The following FSD2 variants were observed in gnomAD, a reference collection of about 807,000 sequenced individuals.
FSD2 encodes fibronectin type III and SPRY domain containing 2, also known as fibronectin type III and SPRY domain-containing protein 2.
Under a neutral mutation model 80.4 loss-of-function variants are expected in FSD2, and 71 were observed. That is an observed-to-expected ratio of 0.88 (90% CI 0.73 to 1.08). The LOEUF is 1.08. Ranked by LOEUF, FSD2 falls within the 50% of genes least tolerant of loss-of-function variation. The probability of loss-of-function intolerance (pLI) is 0.00; values close to 1 mark genes in which losing one functional copy is unlikely to be tolerated. For synonymous variants in FSD2, 361 were observed against 329.5 expected (o/e 1.10, Z -1.03); for missense variants, 923 against 913.8 (o/e 1.01, Z -0.13).
Position 82,755,786 on chromosome 15 carries a change from C to A in FSD2, c.*3562G>T, listed in dbSNP as rs533338215. The A allele has an allele frequency of 6.2e-5, 14 of 224,470 alleles. No homozygotes were observed. In the East Asian group the frequency reaches 6.4e-4, roughly 10 times the overall value. The allele number at this position is 224,470 out of a possible 1,614,324, so 13.9% of individuals were successfully genotyped here. A position where few individuals can be genotyped will look rare whatever the true frequency, so the allele number is the denominator to read the frequency against. Reference sequence around the variant, plus strand: ...CAGCTGGGGTCTTCTTTCCAAATAACTTTTCTCTTGCATTTAGATTAATTA... The same window carrying A: ...CAGCTGGGGTCTTCTTTCCAAATAAATTTTCTCTTGCATTTAGATTAATTA... On this transcript the variant is annotated 3_prime_UTR_variant, in exon 13 of 13. Transcript: ENST00000334574.
chr15:82,785,617 C>T (rs578105502), intron 3 of FSD2, among the ~76,000 whole-genome samples: 119 of 152,222 alleles, frequency 7.8e-4, no homozygotes, highest in African/African-American at 2.5e-3. Flanking sequence ...AGCCACCGTG[C>T]CCAGCCATAA....
intron 1 of FSD2, among the ~76,000 whole-genome samples, chr15:82,797,047 C>T (rs1337344536): frequency 6.8e-6 from 1 of 147,806 alleles, no homozygotes; most frequent in Non-Finnish European, 1.5e-5. Flanking sequence ...AAAAACACCT[C>T]CAGGGGACTA....
chr15:82,761,920 T>TG (rs2049304115), intron 12 of FSD2, among the ~76,000 whole-genome samples, 182 bp downstream of exon 12: 1 of 152,186 alleles, frequency 6.6e-6, no homozygotes, highest in African/African-American at 2.4e-5. Context: ...TATTTTTAGT[T>TG]GAAGAAAAGC....
rs1272536536 is a variant in FSD2 at position 82,786,503 on chromosome 15, G to A, written c.735+8C>T. 1.2e-6 allele frequency: 2 copies of A among 1,604,192 alleles called. No homozygotes were observed. Among genetic ancestry groups the A allele is most frequent in the Non-Finnish European group, 1.7e-6 (2 of 1,171,628 alleles). On this transcript the variant is annotated splice_region_variant and intron_variant, in intron 3 of 12. Coordinates refer to ENST00000334574, the MANE Select transcript of FSD2 (RefSeq NM_001007122.4). ...TGAGTCTGATGAGGTCTTCAAGTGTGCTCTTACCTCCACAGTGATGAAAAC... is the reference window on the plus strand; with the variant it reads ...TGAGTCTGATGAGGTCTTCAAGTGTACTCTTACCTCCACAGTGATGAAAAC...
intron 7 of FSD2, among the ~76,000 whole-genome samples, chr15:82,771,486 T>A (rs959976332): frequency 6.6e-6 from 1 of 152,202 alleles, no homozygotes; most frequent in African/African-American, 2.4e-5. Flanking sequence ...CTACCCCAGC[T>A]GTAACCCCAC....
At chr15:82,776,026 T>C (rs190194171) in intron 6 of FSD2, among the ~76,000 whole-genome samples, 68 of 152,312 alleles carry the variant, frequency 4.5e-4, no homozygotes, top group African/African-American at 1.6e-3. Flanking sequence ...GACTCAGGCC[T>C]GTAATCTCAG....
intron 4 of FSD2, among the ~76,000 whole-genome samples, chr15:82,781,265 T>A (rs1347347803): frequency 6.6e-6 from 1 of 152,234 alleles, no homozygotes; most frequent in Non-Finnish European, 1.5e-5. Flanking sequence ...TTTATCACTT[T>A]CTCCATGTTC....
chr15:82,774,175 C>G (rs1168833334), intron 6 of FSD2, among the ~76,000 whole-genome samples: 1 of 152,148 alleles, frequency 6.6e-6, no homozygotes, highest in African/African-American at 2.4e-5. Context: ...TGGGCTCAAG[C>G]AATCCTCCCA....
chr15:82,797,037 A>AAAC (rs1566981948), intron 1 of FSD2, among the ~76,000 whole-genome samples: 3 of 146,878 alleles, frequency 2.0e-5, no homozygotes, highest in Non-Finnish European at 3.0e-5. Flanking sequence ...AAAAAAAAAA[A>AAAC]AAAACACCTC....
chr15:82,782,896 A>G lies in FSD2; in HGVS notation c.865T>C (p.Tyr289His). 1 of 1,613,894 alleles carries G rather than the reference A, an allele frequency of 6.2e-7. No individual in the cohort carries two copies. Among genetic ancestry groups the G allele is most frequent in the Non-Finnish European group, 8.5e-7 (1 of 1,179,850 alleles). Reference sequence around the variant, plus strand: ...TCTCCACAGCTGACCAGTTGTCCATATAAGGCTTCCAGCTTCTCTTTCTTT... The same window carrying G: ...TCTCCACAGCTGACCAGTTGTCCATGTAAGGCTTCCAGCTTCTCTTTCTTT... ...EKKKEKLEALYGQLVSCGENL... is the reference protein window; with the variant it reads ...EKKKEKLEALHGQLVSCGENL... The change falls in exon 4 of 13, where the codon TAT (tyrosine) becomes CAT (histidine). Residue 289 changes from tyrosine to histidine, a missense_variant. Physicochemically the swap from Tyr to His is moderately conservative, Grantham distance 83. Transcript: ENST00000334574.
rs755092933 is a variant in FSD2, at chr15:82,798,878, G to GT, written c.-79+7087dup. Among the ~76,000 whole-genome samples the GT allele has an allele frequency of 4.9e-3, 671 of 135,780 alleles. 8 individuals are homozygous for GT. Among genetic ancestry groups the GT allele is most frequent in the Middle Eastern group, 0.024 (6 of 250 alleles). The allele number at this position is 135,780 out of a possible 152,430, so 89.1% of individuals were successfully genotyped here. On this transcript the variant is annotated intron_variant, in intron 1 of 12. Transcript: ENST00000334574. ...TTCTTTCCACTATCTCCACTGTTTT[G>GT]TTTTTTTTTTTTTTTTTGAGACAGG...
At chr15:82,774,212 A>G (rs1454710204) in intron 6 of FSD2, among the ~76,000 whole-genome samples, 1 of 152,090 alleles carries the variant, frequency 6.6e-6, no homozygotes, top group Non-Finnish European at 1.5e-5. Flanking sequence ...AACTGGGGCT[A>G]TAGGTGTACG....
chr15:82,785,076 C>T (rs144012312), intron 3 of FSD2, among the ~76,000 whole-genome samples: 7 of 152,126 alleles, frequency 4.6e-5, no homozygotes, highest in African/African-American at 7.2e-5. Flanking sequence ...TTCTGTGTAG[C>T]TCTAGGGGCC....
intron 3 of FSD2, among the ~76,000 whole-genome samples, chr15:82,783,633 C>G (rs1436106245): frequency 6.6e-6 from 1 of 152,132 alleles, no homozygotes; most frequent in Non-Finnish European, 1.5e-5. Context: ...GACAAGTGAC[C>G]AGGGAGATTA....
chr15:82,772,031 A>G lies in FSD2; in HGVS notation c.1267+42T>C, dbSNP rs759071583. The stretch of plus-strand genomic sequence containing the variant: ...GGGCCCAGGCCCCTGAGGGGCCTGA[A>G]CTGTTCCCATGAGCACGGGCATGTT... On this transcript the variant is annotated intron_variant, in intron 7 of 12. Coordinates refer to ENST00000334574, the MANE Select transcript of FSD2 (RefSeq NM_001007122.4). 3 of 1,507,718 alleles carry G rather than the reference A, an allele frequency of 2.0e-6. No homozygotes were observed. In the East Asian group the frequency reaches 7.0e-5, roughly 35 times the overall value. 93.4% of individuals were successfully genotyped at this position (1,507,718 alleles called of 1,614,324 possible).
chr15:82,788,518 A>G (rs182836239), intron 1 of FSD2, among the ~76,000 whole-genome samples: 2 of 151,622 alleles, frequency 1.3e-5, no homozygotes, highest in East Asian at 3.9e-4. Context: ...AAAAAAAAAA[A>G]AAAAAAAAAG....
At chr15:82,793,360 G>T (rs189628951) in intron 1 of FSD2, among the ~76,000 whole-genome samples, 1 of 151,662 alleles carries the variant, frequency 6.6e-6, no homozygotes, top group Non-Finnish European at 1.5e-5. Flanking sequence ...AACTTTATCC[G>T]AAAGGAATTC....
chr15:82,794,802 G>A (rs534377836), intron 1 of FSD2, among the ~76,000 whole-genome samples: 1 of 149,378 alleles, frequency 6.7e-6, no homozygotes, highest in East Asian at 2.0e-4. Context: ...TCGGCTTACT[G>A]CAAGCTCCGC....
intron 1 of FSD2, among the ~76,000 whole-genome samples, chr15:82,802,519 A>T (rs1221560079): frequency 6.6e-6 from 1 of 152,190 alleles, no homozygotes; most frequent in East Asian, 1.9e-4. Flanking sequence ...AGAATTACCC[A>T]CATTGCATAG....
Sources: allele counts gnomAD v4.1 joint callset (sites outside exome capture counted in the v4.1 genomes callset), GRCh38; gene constraint gnomAD v4.1.1; transcripts MANE v1.5; gene names NCBI Gene and HGNC (gene_info 2026-07-23, HGNC 2026-07-21).